Variants in SRBD1 observed in about 807,000 individuals in gnomAD.
SRBD1 encodes the protein S1 RNA-binding domain-containing protein 1.
In SRBD1, 88 loss-of-function variants were observed where a neutral mutation model predicts 115.3. The ratio of observed to expected loss-of-function variants is 0.76; its 90% CI spans 0.64 to 0.91. The LOEUF is 0.91. SRBD1 is among the 40% of genes least tolerant of loss of function. The pLI is 0.00. For synonymous variants in SRBD1, 509 were observed against 407.7 expected (o/e 1.25, Z -2.99); for missense variants, 1,385 against 1,177.4 (o/e 1.18, Z -2.58).
intron 16 of SRBD1, among the ~76,000 whole-genome samples, chr2:45,468,995 ATTC>A (rs1362370538): frequency 6.6e-6 from 1 of 152,036 alleles, no homozygotes; most frequent in African/African-American, 2.4e-5. Context: ...TAGCTTTATT[ATTC>A]TTTTGTATCT....
chr2:45,538,611 A>C (rs1485380996), intron 14 of SRBD1, among the ~76,000 whole-genome samples: 1 of 152,244 alleles, frequency 6.6e-6, no homozygotes, highest in East Asian at 1.9e-4. Flanking sequence ...AAAGGCTATG[A>C]GACCTGTCCA....
chr2:45,400,817 A>G (rs911017426), intron 19 of SRBD1, among the ~76,000 whole-genome samples: 1 of 139,284 alleles, frequency 7.2e-6, no homozygotes, highest in Non-Finnish European at 1.6e-5. Context: ...ACTGAGGTAT[A>G]GAGAGGTTAA....
intron 10 of SRBD1, among the ~76,000 whole-genome samples, chr2:45,560,948 A>AT: frequency 1.6e-5 from 2 of 126,858 alleles, no homozygotes; most frequent in East Asian, 3.9e-4. Flanking sequence ...TCTTAAATAA[A>AT]AAAAAAAAAA....
At position 45,599,611 on chromosome 2, in the gene SRBD1, T is replaced by TCCC. The variant is rs1345732793; in HGVS notation, c.483_485dup (p.Gly163dup). ...CATTCTCTTCCTTCTTGCATGTACC[T>TCCC]CCCCACACAGTGCTTGTGGATGGTG... On this transcript the variant is annotated inframe_insertion, in exon 4 of 21. Transcript: ENST00000263736. 1 of 1,614,074 alleles carries TCCC rather than the reference T, an allele frequency of 6.2e-7. No homozygotes were observed. The highest frequency in any genetic ancestry group is 1.3e-5 in the African/African-American group (1 of 74,924).
At chr2:45,594,271 C>G (rs1673822086) in intron 4 of SRBD1, among the ~76,000 whole-genome samples, 1 of 152,158 alleles carries the variant, frequency 6.6e-6, no homozygotes, top group Non-Finnish European at 1.5e-5. Flanking sequence ...TCCACACAAT[C>G]TCTTGCAACA....
chr2:45,572,270 C>G (rs947817877), intron 9 of SRBD1, among the ~76,000 whole-genome samples: 1 of 151,938 alleles, frequency 6.6e-6, no homozygotes, highest in African/African-American at 2.4e-5. Flanking sequence ...ACCAAGAATT[C>G]TATATTTTAA....
At chr2:45,400,447 T>C (rs959709836) in intron 19 of SRBD1, among the ~76,000 whole-genome samples, 1 of 152,238 alleles carries the variant, frequency 6.6e-6, no homozygotes, top group East Asian at 1.9e-4. Flanking sequence ...TCCTCCTTCA[T>C]TGGGTACTAA....
intron 14 of SRBD1, among the ~76,000 whole-genome samples, chr2:45,496,170 ATGTTT>A (rs1287643669): frequency 1.3e-5 from 2 of 152,260 alleles, no homozygotes; most frequent in Admixed American, 6.5e-5. Context: ...CACTGCTCCT[ATGTTT>A]TGTTTTGTTT....
intron 16 of SRBD1, among the ~76,000 whole-genome samples, chr2:45,422,919 G>C (rs954724257): frequency 6.6e-6 from 1 of 152,170 alleles, no homozygotes; most frequent in African/African-American, 2.4e-5. Context: ...AAAAGACAGT[G>C]AAGTAAAACC....
intron 14 of SRBD1, among the ~76,000 whole-genome samples, chr2:45,511,774 T>C (rs1670978657): frequency 6.6e-6 from 1 of 152,186 alleles, no homozygotes; most frequent in Non-Finnish European, 1.5e-5. Context: ...CTTTTTAAAG[T>C]CTCCATTCCC....
intron 16 of SRBD1, among the ~76,000 whole-genome samples, chr2:45,438,589 G>C (rs1668569771): frequency 6.6e-6 from 1 of 152,168 alleles, no homozygotes; most frequent in South Asian, 2.1e-4. Flanking sequence ...TAAAATTATT[G>C]AATGGGCTTA....
At chr2:45,610,837 C>A (rs1378918320) in intron 1 of SRBD1, among the ~76,000 whole-genome samples, 4 of 151,498 alleles carry the variant, frequency 2.6e-5, no homozygotes, top group Admixed American at 1.3e-4. Flanking sequence ...CTGAGGCAGG[C>A]GAATGGCGTG....
chr2:45,498,838 A>T (rs1274835019), intron 14 of SRBD1, among the ~76,000 whole-genome samples: 1 of 152,048 alleles, frequency 6.6e-6, no homozygotes, highest in South Asian at 2.1e-4. Context: ...TTCTTTTTTT[A>T]TGGTTGAATA....
chr2:45,590,243 C>T (rs55987298), intron 4 of SRBD1, among the ~76,000 whole-genome samples: 32,702 of 152,262 alleles, frequency 0.21, 3,859 homozygotes, highest in African/African-American at 0.29. Flanking sequence ...CCAAGCTGTC[C>T]TTGTCCATTC....
intron 7 of SRBD1, among the ~76,000 whole-genome samples, chr2:45,575,015 T>A (rs1048240323): frequency 6.6e-6 from 1 of 152,214 alleles, no homozygotes; most frequent in Non-Finnish European, 1.5e-5. Context: ...TGTGAGACAC[T>A]GGGCAACCTA....
chr2:45,567,210 A>T (rs1406549775), intron 9 of SRBD1, among the ~76,000 whole-genome samples: 1 of 152,204 alleles, frequency 6.6e-6, no homozygotes, highest in African/African-American at 2.4e-5. Flanking sequence ...AATATCAAAC[A>T]AATTGTCAGA....
chr2:45,565,819 T>G (rs1672810794), intron 9 of SRBD1, among the ~76,000 whole-genome samples: 1 of 152,106 alleles, frequency 6.6e-6, no homozygotes, highest in Admixed American at 6.5e-5. Context: ...AGAGATGGGG[T>G]TTCACCATGT....
At chr2:45,426,818 C>T (rs1668168681) in intron 16 of SRBD1, among the ~76,000 whole-genome samples, 1 of 152,142 alleles carries the variant, frequency 6.6e-6, no homozygotes, top group South Asian at 2.1e-4. Context: ...ACAAAAAGGA[C>T]GTCCACACAA....
intron 14 of SRBD1, among the ~76,000 whole-genome samples, chr2:45,533,500 C>T (rs73927524): frequency 3.5e-4 from 54 of 152,172 alleles, no homozygotes; most frequent in African/African-American, 1.3e-3. Context: ...TCCTTTTCTA[C>T]TCAACTGAAC....
Sources: gnomAD v4.1 joint callset for allele counts (sites outside exome capture counted in the v4.1 genomes callset) on GRCh38, gnomAD v4.1.1 for gene constraint, MANE v1.5 for transcripts, NCBI Gene and HGNC (gene_info 2026-07-23, HGNC 2026-07-21) for gene names.